Variants in GPC5 observed in about 807,000 individuals in gnomAD.
GPC5 encodes glypican 5.
GPC5 carries 47 observed loss-of-function variants against 53.9 expected under a neutral mutation model. The ratio of observed to expected loss-of-function variants is 0.87; its 90% CI spans 0.69 to 1.11. The LOEUF is 1.11. GPC5 is among the 50% of genes most tolerant of loss of function. The probability of loss-of-function intolerance (pLI) is 0.00; values close to 1 mark genes in which losing one functional copy is unlikely to be tolerated. For missense variants in GPC5, 748 were observed against 713.1 expected, an observed-to-expected ratio of 1.05 and a Z score of -0.56; for synonymous variants, 286 against 263.3, an observed-to-expected ratio of 1.09 and a Z score of -0.84.
At chr13:91,709,968 G>A (rs342689) in intron 3 of GPC5, among the ~76,000 whole-genome samples, 5,943 of 152,216 alleles carry the variant, frequency 0.039, 159 homozygotes, top group Middle Eastern at 0.12. Context: ...TACCACCCTT[G>A]TCACATATCA....
intron 7 of GPC5, among the ~76,000 whole-genome samples, chr13:92,271,025 T>C (rs1042984806): frequency 6.6e-6 from 1 of 152,252 alleles, no homozygotes; most frequent in Admixed American, 6.5e-5. Context: ...ATAGAGGCTC[T>C]ATGAGGTCTA....
chr13:91,839,334 G>A (rs1168496005), intron 5 of GPC5, among the ~76,000 whole-genome samples: 1 of 151,926 alleles, frequency 6.6e-6, no homozygotes, highest in African/African-American at 2.4e-5. Flanking sequence ...TTTCCAAAGG[G>A]TTCTAGTAAT....
intron 6 of GPC5, among the ~76,000 whole-genome samples, chr13:92,129,580 C>G (rs1167344531): frequency 3.3e-5 from 5 of 152,108 alleles, no homozygotes; most frequent in Non-Finnish European, 7.3e-5. Context: ...TTAGAATAAC[C>G]ATTGCTAATA....
chr13:91,649,484 C>T (rs962880525), intron 2 of GPC5, among the ~76,000 whole-genome samples: 2 of 152,198 alleles, frequency 1.3e-5, no homozygotes, highest in Non-Finnish European at 2.9e-5. Flanking sequence ...TATTACTACA[C>T]TACTAGTTGC....
At chr13:92,414,563 T>C (rs1273677445) in intron 7 of GPC5, among the ~76,000 whole-genome samples, 1 of 149,224 alleles carries the variant, frequency 6.7e-6, no homozygotes, top group Non-Finnish European at 1.5e-5. Context: ...GCTTTGAGAG[T>C]ATATAACAGG....
In GPC5 at chr13:92,865,880, A is replaced by G. The variant is rs571185403; in HGVS notation, c.1562-402A>G. Among the ~76,000 whole-genome samples the G allele has an allele frequency of 3.6e-3, 542 of 152,284 alleles. 1 individual carries two copies. Among genetic ancestry groups the G allele is most frequent in the Non-Finnish European group, 5.8e-3 (396 of 68,024 alleles). The stretch of plus-strand genomic sequence containing the variant: ...CTACTTTTAAAAAATATTTTATTCA[A>G]TTATATCCCCTCAACTGGTTTTATT... On this transcript the variant is annotated intron_variant, in intron 7 of 7. Transcript: ENST00000377067.
chr13:91,960,508 A>T (rs1229973732), intron 6 of GPC5, among the ~76,000 whole-genome samples: 1 of 151,996 alleles, frequency 6.6e-6, no homozygotes, highest in Non-Finnish European at 1.5e-5. Context: ...TATAGATACA[A>T]TGCCACCTCT....
chr13:92,631,815 G>T (rs1225665895), intron 7 of GPC5, among the ~76,000 whole-genome samples: 1 of 152,170 alleles, frequency 6.6e-6, no homozygotes, highest in Non-Finnish European at 1.5e-5. Flanking sequence ...CACAGCCAAA[G>T]CACAGGTGCA....
chr13:91,963,075 G>A (rs1033277570), intron 6 of GPC5, among the ~76,000 whole-genome samples: 1 of 152,084 alleles, frequency 6.6e-6, no homozygotes, highest in Admixed American at 6.6e-5. Flanking sequence ...TGGTTACTAT[G>A]TGTCTTTGGG....
intron 7 of GPC5, among the ~76,000 whole-genome samples, chr13:92,597,762 T>C (rs1003080058): frequency 2.0e-5 from 3 of 152,236 alleles, no homozygotes; most frequent in Non-Finnish European, 4.4e-5. Flanking sequence ...CTTAATAGGA[T>C]AAATGAATCT....
rs76874556 is a variant in GPC5 at position 91,611,983 on chromosome 13, T to A, written c.326-81204T>A. Among the ~76,000 whole-genome samples, 133 of 152,326 alleles carry A rather than the reference T, an allele frequency of 8.7e-4. 1 individual carries two copies. Among genetic ancestry groups the A allele is most frequent in the African/African-American group, 2.9e-3 (122 of 41,580 alleles). ...CCGCGTTAATGGTTTCTGAGCTCTA[T>A]CCATACCTAATAAGATATGTTCAAA... On this transcript the variant is annotated intron_variant, in intron 2 of 7. Transcript: ENST00000377067.
chr13:92,281,986 C>A (rs9523589), intron 7 of GPC5, among the ~76,000 whole-genome samples: 12,993 of 152,124 alleles, frequency 0.085, 610 homozygotes, highest in Middle Eastern at 0.12. Flanking sequence ...CACAAAGAAG[C>A]TAAAAACCTT....
chr13:91,818,770 C>CA (rs2038439938), intron 5 of GPC5, among the ~76,000 whole-genome samples: 1 of 152,100 alleles, frequency 6.6e-6, no homozygotes, highest in Non-Finnish European at 1.5e-5. Context: ...AAAACCGTAA[C>CA]AAGACAAAGC....
intron 7 of GPC5, among the ~76,000 whole-genome samples, chr13:92,413,703 T>C (rs1876150863): frequency 6.6e-6 from 1 of 152,108 alleles, no homozygotes. Flanking sequence ...GCTGTGAGCT[T>C]AGATAAAAAT....
chr13:92,719,527 A>G (rs1274784603), intron 7 of GPC5, among the ~76,000 whole-genome samples: 1 of 152,200 alleles, frequency 6.6e-6, no homozygotes, highest in Non-Finnish European at 1.5e-5. Flanking sequence ...ATTGTTATAC[A>G]TCATAGCTTT....
intron 7 of GPC5, among the ~76,000 whole-genome samples, chr13:92,856,988 T>C (rs1327770334): frequency 6.6e-6 from 1 of 151,850 alleles, no homozygotes; most frequent in Non-Finnish European, 1.5e-5. Flanking sequence ...TCAAAATTTA[T>C]ATGGAACAAA....
chr13:91,851,352 C>T (rs2138891498), intron 5 of GPC5, among the ~76,000 whole-genome samples: 1 of 152,160 alleles, frequency 6.6e-6, no homozygotes, highest in African/African-American at 2.4e-5. Context: ...GGGAACTCCA[C>T]CATGAGTGGA....
At chr13:91,832,218 T>A (rs1308616386) in intron 5 of GPC5, among the ~76,000 whole-genome samples, 1 of 152,130 alleles carries the variant, frequency 6.6e-6, no homozygotes, top group East Asian at 1.9e-4. Context: ...GCAACTTCAA[T>A]GTAATGCTCT....
chr13:92,145,171 A>G (rs969986101), intron 7 of GPC5, among the ~76,000 whole-genome samples, 182 bp downstream of exon 7: 1 of 152,142 alleles, frequency 6.6e-6, no homozygotes, highest in Non-Finnish European at 1.5e-5. Context: ...TTTATTTTTA[A>G]CTAATGACTT....
Sources: gnomAD v4.1 joint callset for allele counts (sites outside exome capture counted in the v4.1 genomes callset) on GRCh38, gnomAD v4.1.1 for gene constraint, MANE v1.5 for transcripts, NCBI Gene and HGNC (gene_info 2026-07-23, HGNC 2026-07-21) for gene names.